The following MATN2 variants were observed in gnomAD, a reference collection of about 807,000 sequenced individuals.
MATN2 encodes the protein matrilin 2.
Under a neutral mutation model 103.2 loss-of-function variants are expected in MATN2, and 69 were observed. The ratio of observed to expected loss-of-function variants is 0.67; its 90% CI spans 0.55 to 0.82. The LOEUF (loss-of-function observed/expected upper bound fraction) is 0.82, where lower values mean the gene tolerates loss of function less well. Ranked by LOEUF, MATN2 falls within the 40% of genes least tolerant of loss-of-function variation. The probability of loss-of-function intolerance (pLI) is 0.00; values close to 1 mark genes in which losing one functional copy is unlikely to be tolerated. For missense variants in MATN2, 1,023 were observed against 1,211.5 expected, an observed-to-expected ratio of 0.84 and a Z score of 2.31; for synonymous variants, 429 against 450.2, an observed-to-expected ratio of 0.95 and a Z score of 0.60.
intron 18 of MATN2, among the ~76,000 whole-genome samples, chr8:98,034,987 C>T (rs1814185126): frequency 6.6e-6 from 1 of 151,654 alleles, no homozygotes; most frequent in Non-Finnish European, 1.5e-5. Flanking sequence ...TTTGGGAGGC[C>T]GAGGTGGCCT....
intron 2 of MATN2, among the ~76,000 whole-genome samples, chr8:97,916,960 T>C (rs1809651825): frequency 6.6e-6 from 1 of 152,174 alleles, no homozygotes; most frequent in African/African-American, 2.4e-5. Context: ...CCTTTCCATT[T>C]TGCTGGCTCG....
chr8:97,974,134 T>G lies in MATN2; in HGVS notation c.959-4752T>G, dbSNP rs1586110032. On this transcript the variant is annotated intron_variant, in intron 5 of 18. Coordinates refer to ENST00000254898, the MANE Select transcript of MATN2 (RefSeq NM_002380.5). ...TTTAGTGCTTATATTTTATTGGTTT[T>G]TATTTTATTTATTTATTTATTTTGA... 3.3e-5 allele frequency among the ~76,000 whole-genome samples: 5 copies of G among 152,306 alleles called. No individual in the cohort carries two copies. The South Asian group carries it at 1.0e-3, about 32-fold the overall frequency.
chr8:97,888,002 G>A, intron 1 of MATN2, 73 bp from the exon 2 acceptor site: 3 of 1,419,860 alleles, frequency 2.1e-6, no homozygotes, highest in Admixed American at 2.5e-5. Flanking sequence ...GGGGCAGCGG[G>A]CCTGCAGCTC....
chr8:97,905,665 G>A (rs1279936027), intron 2 of MATN2, among the ~76,000 whole-genome samples: 1 of 151,920 alleles, frequency 6.6e-6, no homozygotes, highest in Non-Finnish European at 1.5e-5. Context: ...GTTTTGTTTT[G>A]TTTTTTGTTT....
intron 3 of MATN2, among the ~76,000 whole-genome samples, chr8:97,941,292 A>G (rs1240018762): frequency 6.6e-6 from 1 of 152,094 alleles, no homozygotes; most frequent in Non-Finnish European, 1.5e-5. Context: ...TTGTGTGTAT[A>G]CTTTTGCATA....
intron 5 of MATN2, among the ~76,000 whole-genome samples, chr8:97,967,602 A>G (rs1811525193): frequency 6.6e-6 from 1 of 152,256 alleles, no homozygotes; most frequent in African/African-American, 2.4e-5. Flanking sequence ...TAAAACTCCA[A>G]AACAATCTCC....
At chr8:97,965,852 C>T (rs1394338667) in intron 5 of MATN2, among the ~76,000 whole-genome samples, 2 of 152,096 alleles carry the variant, frequency 1.3e-5, no homozygotes, top group African/African-American at 4.8e-5. Context: ...GGCGTGGTGG[C>T]AGTCACCTGT....
chr8:98,034,720 A>G (rs542948066), intron 18 of MATN2, among the ~76,000 whole-genome samples: 1 of 152,298 alleles, frequency 6.6e-6, no homozygotes, highest in East Asian at 1.9e-4. Flanking sequence ...GAATTCCTCA[A>G]AACCGTGGCC....
intron 6 of MATN2, among the ~76,000 whole-genome samples, chr8:97,979,622 G>A (rs572497342): frequency 6.6e-6 from 1 of 152,122 alleles, no homozygotes. Flanking sequence ...GATTCCAAAA[G>A]TGTTCTATTA....
chr8:97,915,571 G>T (rs887295505), intron 2 of MATN2, among the ~76,000 whole-genome samples: 1 of 152,150 alleles, frequency 6.6e-6, no homozygotes, highest in Non-Finnish European at 1.5e-5. Context: ...CTCCTTCCAG[G>T]GAAAGGCCCT....
intron 5 of MATN2, among the ~76,000 whole-genome samples, chr8:97,963,588 G>A (rs576252617): frequency 4.6e-5 from 7 of 152,302 alleles, no homozygotes; most frequent in African/African-American, 1.7e-4. Context: ...GAGGGTAGAT[G>A]CTGTCATTGC....
chr8:97,921,426 C>A (rs1809803041), intron 2 of MATN2, among the ~76,000 whole-genome samples: 1 of 152,208 alleles, frequency 6.6e-6, no homozygotes, highest in African/African-American at 2.4e-5. Context: ...TCTACAGTGT[C>A]AGGCCTCATG....
At chr8:97,976,151 G>T in intron 5 of MATN2, among the ~76,000 whole-genome samples, 1 of 150,986 alleles carries the variant, frequency 6.6e-6, no homozygotes, top group Non-Finnish European at 1.5e-5. Flanking sequence ...TTGAGACAGA[G>T]TCTTGCTCTG....
chr8:98,002,953 CCA>C (rs1435835078), intron 7 of MATN2, among the ~76,000 whole-genome samples: 4 of 152,108 alleles, frequency 2.6e-5, no homozygotes, highest in South Asian at 2.1e-4. Context: ...GCCCGCACGT[CCA>C]GTCATGCTCA....
intron 6 of MATN2, among the ~76,000 whole-genome samples, chr8:97,986,851 G>A (rs1586125437): frequency 1.3e-5 from 2 of 151,158 alleles, no homozygotes; most frequent in East Asian, 3.9e-4. Context: ...ATTTTTTTTT[G>A]AGACGGAGTC....
At chr8:97,894,163 A>G (rs1225291773) in intron 2 of MATN2, among the ~76,000 whole-genome samples, 2 of 152,046 alleles carry the variant, frequency 1.3e-5, no homozygotes, top group East Asian at 1.9e-4. Flanking sequence ...TGGTCAGGGG[A>G]TGGTAGGGCC....
At chr8:97,900,319 C>T (rs1449484761) in intron 2 of MATN2, among the ~76,000 whole-genome samples, 1 of 152,182 alleles carries the variant, frequency 6.6e-6, no homozygotes, top group Admixed American at 6.5e-5. Flanking sequence ...AGCTGGGGCA[C>T]AGGCAGGATC....
In MATN2 at chr8:97,931,442, C is replaced by T; in HGVS notation, c.632C>T (p.Pro211Leu). 1 of 1,613,658 alleles carries T rather than the reference C, an allele frequency of 6.2e-7. No individual in the cohort carries two copies. The stretch of plus-strand genomic sequence containing the variant: ...ACCTTGAAGTCCATTGGGAGTGAGC[C>T]CCATGAGGACCATGTCTTCCTTGTG... ...FNTLKSIGSE[P>L]HEDHVFLVAN... Residue 211 changes from proline (P) to leucine (L), a missense_variant, in exon 3 of 19, where the codon CCC becomes CTC. Physicochemically the swap from Pro to Leu is moderately conservative, Grantham distance 98 (BLOSUM62 -3). Coordinates refer to ENST00000254898, the MANE Select transcript of MATN2 (RefSeq NM_002380.5). This position sits in a 1 kb window ranked among gnomAD's most constrained non-coding sequence, Gnocchi z 4.1.
chr8:97,887,966 G>A (rs141588508), intron 1 of MATN2, 109 bp from the exon 2 acceptor site: 14 of 1,008,860 alleles, frequency 1.4e-5, no homozygotes, highest in Middle Eastern at 2.7e-4. Context: ...TTGAGTGCAA[G>A]TGGTCTGTTT....
Sources: gnomAD v4.1 joint callset for allele counts (sites outside exome capture counted in the v4.1 genomes callset) on GRCh38, gnomAD v4.1.1 for gene constraint, Gnocchi (gnomAD v3.1) non-coding constraint, MANE v1.5 for transcripts, NCBI Gene and HGNC (gene_info 2026-07-23, HGNC 2026-07-21) for gene names.